Variants in TARBP1 observed in about 807,000 individuals in gnomAD.
TARBP1 encodes tRNA (guanosine(18)-2'-O)-methyltransferase TARBP1.
TARBP1 carries 144 observed loss-of-function variants against 178.6 expected under a neutral mutation model. That is an observed-to-expected ratio of 0.81 (90% CI 0.70 to 0.93). The LOEUF (loss-of-function observed/expected upper bound fraction) is 0.93. Among genes scored for constraint, TARBP1 ranks in the 40% least tolerant of loss-of-function variants. The pLI, the probability that TARBP1 is intolerant of heterozygous loss-of-function variation, is 0.00. For synonymous variants in TARBP1, 787 were observed against 781.0 expected (o/e 1.01, Z -0.13); for missense variants, 2,067 against 2,011.7 (o/e 1.03, Z -0.53).
intron 12 of TARBP1, among the ~76,000 whole-genome samples, chr1:234,441,153 C>T (rs888017437): frequency 2.0e-5 from 3 of 152,204 alleles, no homozygotes; most frequent in Admixed American, 2.0e-4. Context: ...CACTGTACTC[C>T]AGCCTGGGTG....
At chr1:234,413,426 A>G (rs1662073095) in intron 22 of TARBP1, among the ~76,000 whole-genome samples, 3 of 152,340 alleles carry the variant, frequency 2.0e-5, no homozygotes, top group Middle Eastern at 3.4e-3. Flanking sequence ...GTGAGCCGAG[A>G]TTGTGCCATT....
intron 22 of TARBP1, among the ~76,000 whole-genome samples, chr1:234,414,632 G>A (rs755018792): frequency 1.8e-4 from 27 of 152,166 alleles, no homozygotes; most frequent in Admixed American, 3.9e-4. Context: ...AGTGTCTTCT[G>A]AGAAGTAACT....
rs1167918091 is a variant in TARBP1 at position 234,459,268 on chromosome 1, A to T, written c.1594T>A (p.Cys532Ser). The T allele has an allele frequency of 6.2e-7, 1 of 1,613,138 alleles. No homozygotes were observed. Among genetic ancestry groups the T allele is most frequent in the African/African-American group, 1.3e-5 (1 of 74,890 alleles). Residue 532 changes from cysteine (C) to serine (S), a missense_variant, in exon 8 of 30, where the codon TGC (cysteine) becomes AGC (serine). By Grantham distance (112) the Cys-to-Ser change is moderately radical. Coordinates refer to ENST00000040877, the MANE Select transcript of TARBP1 (RefSeq NM_005646.4). ...TTCATAGCTGTTTGAAGAAGGTAGCATTGGGCTGCCCCTCTCAGGAGAATC... is the reference window on the plus strand; with the variant it reads ...TTCATAGCTGTTTGAAGAAGGTAGCTTTGGGCTGCCCCTCTCAGGAGAATC... ...HQILLRGAAQCYLLQTAMNLL... is the reference protein window; with the variant it reads ...HQILLRGAAQSYLLQTAMNLL...
At chr1:234,470,164 G>A (rs1558257545) in intron 3 of TARBP1, among the ~76,000 whole-genome samples, 1 of 152,044 alleles carries the variant, frequency 6.6e-6, no homozygotes, top group South Asian at 2.1e-4. Flanking sequence ...CTGCTTGGGA[G>A]GCCGAGGCAA....
chr1:234,473,043 A>G (rs572411637), intron 1 of TARBP1, among the ~76,000 whole-genome samples: 1 of 152,258 alleles, frequency 6.6e-6, no homozygotes, highest in African/African-American at 2.4e-5. Flanking sequence ...TTGCACATAT[A>G]AACTCTACTT....
chr1:234,450,642 T>C, intron 9 of TARBP1, 76 bp from the exon 10 acceptor site: 2 of 1,485,808 alleles, frequency 1.3e-6, no homozygotes, highest in Non-Finnish European at 1.8e-6. Context: ...TTAAGCCACG[T>C]TTCTTTCTTT....
chr1:234,401,281 G>A lies in TARBP1; in HGVS notation c.3990-19C>T, dbSNP rs1268104854. Reference sequence around the variant, plus strand: ...GGCATTCCTAAGGATTAAAAATATGGTATGAGCCACAGACAAATGAAACAA... The same window carrying A: ...GGCATTCCTAAGGATTAAAAATATGATATGAGCCACAGACAAATGAAACAA... On this transcript the variant is annotated intron_variant, in intron 24 of 29. Coordinates refer to ENST00000040877, the MANE Select transcript of TARBP1 (RefSeq NM_005646.4). The A allele has an allele frequency of 1.3e-6, 2 of 1,589,616 alleles. No individual in the cohort carries two copies. The highest frequency in any genetic ancestry group is 1.7e-6 in the Non-Finnish European group (2 of 1,160,788).
At chr1:234,425,064 A>AC in intron 20 of TARBP1, among the ~76,000 whole-genome samples, 1 of 151,596 alleles carries the variant, frequency 6.6e-6, no homozygotes, top group East Asian at 1.9e-4. Flanking sequence ...TCCGTCTCAA[A>AC]AAAAAAAAAA....
chr1:234,416,502 G>T (rs1482451515), intron 22 of TARBP1, among the ~76,000 whole-genome samples: 1 of 152,134 alleles, frequency 6.6e-6, no homozygotes, highest in Non-Finnish European at 1.5e-5. Flanking sequence ...TCACCATGTT[G>T]GCCAGGCTGG....
intron 1 of TARBP1, among the ~76,000 whole-genome samples, chr1:234,473,382 G>C (rs1388631584): frequency 6.6e-6 from 1 of 152,190 alleles, no homozygotes; most frequent in East Asian, 1.9e-4. Context: ...CCTATGTCCT[G>C]AACAGGAAAA....
intron 3 of TARBP1, among the ~76,000 whole-genome samples, chr1:234,469,108 A>C (rs1668796125): frequency 1.6e-5 from 2 of 127,816 alleles, no homozygotes; most frequent in Non-Finnish European, 1.6e-5. Context: ...AACCGCAACG[A>C]CTTTCGCACC....
intron 13 of TARBP1, among the ~76,000 whole-genome samples, chr1:234,435,555 A>G (rs182724112): frequency 6.6e-5 from 10 of 152,368 alleles, no homozygotes; most frequent in African/African-American, 1.9e-4. Context: ...GGAGAAAAGT[A>G]GTAGTTGAAA....
Position 234,450,162 on chromosome 1 carries a change from C to T in TARBP1, c.1861+266G>A, listed in dbSNP as rs541860754. On this transcript the variant is annotated intron_variant, in intron 10 of 29. Coordinates refer to ENST00000040877, the MANE Select transcript of TARBP1 (RefSeq NM_005646.4). Reference sequence around the variant, plus strand: ...ATTGCAGAATAAATAAATGACTTTGCATCCACTTCTTAACTCTGGCAACTT... The same window carrying T: ...ATTGCAGAATAAATAAATGACTTTGTATCCACTTCTTAACTCTGGCAACTT... Among the ~76,000 whole-genome samples, 53 of 136,812 alleles carry T rather than the reference C, an allele frequency of 3.9e-4. No individual in the cohort carries two copies. In the East Asian group the frequency reaches 9.2e-3, roughly 24 times the overall value. The allele number at this position is 136,812 out of a possible 152,430, so 89.8% of individuals were successfully genotyped here.
intron 24 of TARBP1, 24 bp from the exon 25 acceptor site, chr1:234,401,286 A>C: frequency 1.3e-6 from 2 of 1,574,978 alleles, no homozygotes; most frequent in East Asian, 2.3e-5. Flanking sequence ...ATATGGTATG[A>C]GCCACAGACA....
chr1:234,428,973 G>A (rs1419992272), intron 17 of TARBP1, among the ~76,000 whole-genome samples, 163 bp downstream of exon 17: 2 of 152,226 alleles, frequency 1.3e-5, no homozygotes, highest in Non-Finnish European at 2.9e-5. Context: ...ACATCTGTCA[G>A]ATTTTCTCAT....
At chr1:234,439,023 A>G (rs1043291740) in intron 12 of TARBP1, among the ~76,000 whole-genome samples, 1 of 152,246 alleles carries the variant, frequency 6.6e-6, no homozygotes, top group Non-Finnish European at 1.5e-5. Context: ...ATATCCAGAA[A>G]AAATATCCTT....
intron 1 of TARBP1, among the ~76,000 whole-genome samples, chr1:234,475,877 A>C (rs778274317): frequency 6.6e-6 from 1 of 152,232 alleles, no homozygotes; most frequent in Non-Finnish European, 1.5e-5. Context: ...AATCTGGGAA[A>C]AGTTTGTAAA....
intron 5 of TARBP1, among the ~76,000 whole-genome samples, 191 bp downstream of exon 5, chr1:234,465,465 A>G (rs1387208560): frequency 6.6e-6 from 1 of 152,176 alleles, no homozygotes; most frequent in African/African-American, 2.4e-5. Flanking sequence ...ACAAGAAAAA[A>G]CAAAGGAGAA....
chr1:234,391,452 G>T lies in TARBP1; in HGVS notation c.*125C>A. 1 of 1,074,220 alleles carries T rather than the reference G, an allele frequency of 9.3e-7. No homozygotes were observed. The allele number at this position is 1,074,220 out of a possible 1,614,324, so 66.5% of individuals were successfully genotyped here. ...GTTTAAGGCACATGGCAAACTTTTG[G>T]CATTAAATTGCAAGAAAAAAGAAAT... On this transcript the variant is annotated 3_prime_UTR_variant, in exon 30 of 30. Transcript: ENST00000040877.
Sources: gnomAD v4.1 joint callset for allele counts (sites outside exome capture counted in the v4.1 genomes callset) on GRCh38, gnomAD v4.1.1 for gene constraint, MANE v1.5 for transcripts, NCBI Gene and HGNC (gene_info 2026-07-23, HGNC 2026-07-21) for gene names.